The following PHF24 variants were observed in gnomAD, a reference collection of about 807,000 sequenced individuals.
PHF24 encodes PHD finger protein 24.
PHF24 carries 25 observed loss-of-function variants against 42.6 expected under a neutral mutation model. That is an observed-to-expected ratio of 0.59 (90% CI 0.43 to 0.82). The LOEUF is 0.82. Ranked by LOEUF, PHF24 falls within the 40% of genes least tolerant of loss-of-function variation. The pLI is 0.00. For missense variants in PHF24, 470 were observed against 538.1 expected (o/e 0.87, Z 1.25); for synonymous variants, 185 against 204.8 (o/e 0.90, Z 0.83).
At chr9:34,801,518 G>C in the PHF24 span, among the ~76,000 whole-genome samples, 1 of 152,110 alleles carries the variant, frequency 6.6e-6, no homozygotes, top group African/African-American at 2.4e-5. Flanking sequence ...ACGAGGTCAA[G>C]AGATTGAGAC....
chr9:34,846,147 C>T, the PHF24 span, among the ~76,000 whole-genome samples: 1 of 152,040 alleles, frequency 6.6e-6, no homozygotes, highest in Non-Finnish European at 1.5e-5. Flanking sequence ...ATGGTATTTC[C>T]AGTTCTAGAT....
At chr9:34,690,954 C>T in the PHF24 span, 4 of 711,734 alleles carry the variant, frequency 5.6e-6, no homozygotes, top group African/African-American at 7.2e-5. Context: ...CTGCCAGGCT[C>T]ACCGAAATAT....
the PHF24 span, among the ~76,000 whole-genome samples, chr9:34,828,258 T>A: frequency 6.6e-6 from 1 of 152,092 alleles, no homozygotes; most frequent in African/African-American, 2.4e-5. Context: ...ATGCCTTCTA[T>A]CTACCACCAG....
the PHF24 span, among the ~76,000 whole-genome samples, chr9:34,875,895 G>GTC: frequency 7.2e-5 from 10 of 139,362 alleles, no homozygotes; most frequent in Non-Finnish European, 1.1e-4. Context: ...GCAAAAGCTC[G>GTC]TCTCTCTCTC....
At chr9:34,709,167 C>G in the PHF24 span, 17 of 600,348 alleles carry the variant, frequency 2.8e-5, no homozygotes, top group Admixed American at 1.6e-4. Context: ...GGGAGACTCT[C>G]CCTCCTCGGT....
chr9:34,846,402 G>C, the PHF24 span, among the ~76,000 whole-genome samples: 7 of 150,654 alleles, frequency 4.6e-5, no homozygotes, highest in African/African-American at 9.9e-5. Flanking sequence ...GTCTTCTTTT[G>C]AGAAGTGTCT....
chr9:34,787,363 G>T, the PHF24 span, among the ~76,000 whole-genome samples: 3 of 152,044 alleles, frequency 2.0e-5, no homozygotes, highest in African/African-American at 7.2e-5. Flanking sequence ...TTCAGTGTCA[G>T]AAGGGTGAGA....
At chr9:34,870,929 G>A in the PHF24 span, among the ~76,000 whole-genome samples, 2 of 152,204 alleles carry the variant, frequency 1.3e-5, no homozygotes, top group Non-Finnish European at 2.9e-5. Flanking sequence ...TGGTTTTTGT[G>A]TGGCTATAAG....
exon 8 of PHF24, chr9:34,981,022 C>G (rs1222502964): frequency 6.6e-6 from 1 of 152,374 alleles, no homozygotes; most frequent in Non-Finnish European, 1.5e-5. Flanking sequence ...CCTTGGCTTC[C>G]TCTCCTGAGC....
chr9:34,980,267 T>G (rs1476247411), exon 8 of PHF24: 1 of 152,122 alleles, frequency 6.6e-6, no homozygotes, highest in East Asian at 1.9e-4. Flanking sequence ...GTGAGGAGAG[T>G]TGGTGGGCCA....
chr9:34,805,665 C>T, the PHF24 span, among the ~76,000 whole-genome samples: 2 of 152,150 alleles, frequency 1.3e-5, no homozygotes, highest in Non-Finnish European at 2.9e-5. Flanking sequence ...GTTGCCTTTT[C>T]ACTCCCTTGA....
chr9:34,964,064 T>C (rs1826687375), intron 1 of PHF24, among the ~76,000 whole-genome samples: 1 of 152,218 alleles, frequency 6.6e-6, no homozygotes, highest in Non-Finnish European at 1.5e-5. Context: ...TCTGTGGAAG[T>C]CAGTAAGAAC....
the PHF24 span, among the ~76,000 whole-genome samples, chr9:34,781,411 C>A: frequency 5.9e-5 from 9 of 152,060 alleles, no homozygotes; most frequent in Admixed American, 6.5e-5. Flanking sequence ...TTCATAGAGA[C>A]AGAAAGTAGA....
the PHF24 span, among the ~76,000 whole-genome samples, chr9:34,792,142 T>C: frequency 2.1e-4 from 32 of 152,148 alleles, no homozygotes; most frequent in Non-Finnish European, 4.1e-4. Flanking sequence ...TCCCTATTGA[T>C]AGGGAGTAGT....
chr9:34,770,705 G>A, the PHF24 span, among the ~76,000 whole-genome samples: 18 of 152,066 alleles, frequency 1.2e-4, no homozygotes, highest in Non-Finnish European at 2.4e-4. Context: ...ACGGGATGGC[G>A]GTATGGGTTA....
chr9:34,850,404 G>A, the PHF24 span, among the ~76,000 whole-genome samples: 1 of 152,118 alleles, frequency 6.6e-6, no homozygotes, highest in African/African-American at 2.4e-5. Context: ...CGGCTTCTGA[G>A]GCTTCTGCAT....
the PHF24 span, among the ~76,000 whole-genome samples, chr9:34,929,071 A>G: frequency 6.6e-6 from 1 of 152,086 alleles, no homozygotes; most frequent in African/African-American, 2.4e-5. Flanking sequence ...TCCATGTCAA[A>G]CATAGAGCTT....
At chr9:34,670,057 G>A in the PHF24 span, among the ~76,000 whole-genome samples, 1 of 152,170 alleles carries the variant, frequency 6.6e-6, no homozygotes, top group Non-Finnish European at 1.5e-5. Flanking sequence ...AAAACTTTCT[G>A]GTTGATGAAC....
chr9:34,896,112 G>A, the PHF24 span, among the ~76,000 whole-genome samples: 9 of 152,080 alleles, frequency 5.9e-5, no homozygotes, highest in African/African-American at 1.4e-4. Flanking sequence ...ATATGACACC[G>A]AGTCTCTATG....
Sources: gnomAD v4.1 joint callset for allele counts (sites outside exome capture counted in the v4.1 genomes callset) on GRCh38, gnomAD v4.1.1 for gene constraint, MANE v1.5 for transcripts, NCBI Gene and HGNC (gene_info 2026-07-23, HGNC 2026-07-21) for gene names.